SLC25A31: variants seen among roughly 807,000 people sequenced by gnomAD.
The protein encoded by SLC25A31 is solute carrier family 25 member 31.
Under a neutral mutation model 36.2 loss-of-function variants are expected in SLC25A31, and 40 were observed. That is an observed-to-expected ratio of 1.10 (90% confidence interval 0.86 to 1.44). SLC25A31 has a LOEUF of 1.44. Among genes scored for constraint, SLC25A31 ranks in the 40% most tolerant of loss-of-function variants. SLC25A31 has a pLI of 0.00. For missense variants in SLC25A31, 350 were observed against 397.1 expected, an observed-to-expected ratio of 0.88 and a Z score of 1.01; for synonymous variants, 143 against 149.7, an observed-to-expected ratio of 0.96 and a Z score of 0.32.
At chr4:127,751,045 C>CT (rs1336080228) in intron 2 of SLC25A31, among the ~76,000 whole-genome samples, 6 of 152,300 alleles carry the variant, frequency 3.9e-5, no homozygotes, top group Admixed American at 2.6e-4. Context: ...CTACCAATGA[C>CT]TTTCTTCACA....
At chr4:127,743,876 G>A (rs1731775734) in intron 1 of SLC25A31, among the ~76,000 whole-genome samples, 1 of 152,086 alleles carries the variant, frequency 6.6e-6, no homozygotes, top group Non-Finnish European at 1.5e-5. Flanking sequence ...ACTGATTCTG[G>A]GTATTCTCCG....
At chr4:127,730,917 T>G (rs1731512540) in intron 1 of SLC25A31, 140 bp downstream of exon 1, 1 of 852,678 alleles carries the variant, frequency 1.2e-6, no homozygotes, top group African/African-American at 1.7e-5. Flanking sequence ...CTTCTTACCC[T>G]TCCAGAATTT....
intron 1 of SLC25A31, among the ~76,000 whole-genome samples, chr4:127,735,888 A>ATTTTTT (rs1250183377): frequency 4.2e-5 from 2 of 47,850 alleles, no homozygotes; most frequent in African/African-American, 7.6e-5. Flanking sequence ...TTATTTATTT[A>ATTTTTT]TTTATTTATT....
chr4:127,730,896 T>A, intron 1 of SLC25A31, 119 bp downstream of exon 1: 1 of 970,494 alleles, frequency 1.0e-6, no homozygotes, highest in Non-Finnish European at 1.5e-6. Context: ...CAGCTGTCGG[T>A]GATGAATTTG....
chr4:127,768,778 T>TC lies in SLC25A31; in HGVS notation c.662dup (p.Phe222IlefsTer23). On this transcript the variant is annotated frameshift_variant, in exon 5 of 6. Coordinates refer to ENST00000281154, the MANE Select transcript of SLC25A31 (RefSeq NM_031291.4). LOFTEE classifies it high-confidence loss of function. ...GTTTATTACCAAAGCCAAAGAAAAC[T>TC]CCATTTCTTGTCTCCTTTTTCATTG... 1 of 1,606,594 alleles carries TC rather than the reference T, an allele frequency of 6.2e-7. No individual in the cohort carries two copies. Among genetic ancestry groups the TC allele is most frequent in the Admixed American group, 1.7e-5 (1 of 59,202 alleles).
chr4:127,735,248 A>G (rs1731602106), intron 1 of SLC25A31, among the ~76,000 whole-genome samples: 2 of 152,194 alleles, frequency 1.3e-5, no homozygotes, highest in Admixed American at 6.5e-5. Flanking sequence ...ATTCCTATAT[A>G]CTATTCTTAA....
chr4:127,765,286 T>G (rs1732219997), intron 3 of SLC25A31, among the ~76,000 whole-genome samples: 1 of 152,176 alleles, frequency 6.6e-6, no homozygotes, highest in South Asian at 2.1e-4. Flanking sequence ...CTGAGGTTAT[T>G]GTGATCAAAT....
At chr4:127,762,028 A>G (rs1732150345) in intron 2 of SLC25A31, among the ~76,000 whole-genome samples, 1 of 152,206 alleles carries the variant, frequency 6.6e-6, no homozygotes. Context: ...AGTGTTACTT[A>G]AAAAGATCCA....
chr4:127,742,167 A>G (rs1731744234), intron 1 of SLC25A31, among the ~76,000 whole-genome samples: 1 of 152,170 alleles, frequency 6.6e-6, no homozygotes, highest in Non-Finnish European at 1.5e-5. Flanking sequence ...TATTTCTGCC[A>G]TTGAAACCAG....
intron 1 of SLC25A31, among the ~76,000 whole-genome samples, chr4:127,734,711 G>GT (rs555105442): frequency 1.5e-4 from 23 of 152,094 alleles, no homozygotes; most frequent in South Asian, 1.5e-3. Flanking sequence ...GAACAGTGAG[G>GT]TTTTTTAATA....
chr4:127,763,865 T>C (rs983821800), intron 2 of SLC25A31, among the ~76,000 whole-genome samples: 1 of 152,098 alleles, frequency 6.6e-6, no homozygotes, highest in African/African-American at 2.4e-5. Context: ...CATATGTGCC[T>C]GACATTGTAA....
chr4:127,743,468 A>G (rs1428757518), intron 1 of SLC25A31, among the ~76,000 whole-genome samples: 1 of 152,208 alleles, frequency 6.6e-6, no homozygotes. Flanking sequence ...TTCACTTTGT[A>G]CATACTTAAA....
chr4:127,740,956 C>T (rs574427037), intron 1 of SLC25A31, among the ~76,000 whole-genome samples: 14 of 152,154 alleles, frequency 9.2e-5, no homozygotes, highest in South Asian at 2.1e-4. Context: ...AACTTTTTGG[C>T]GTACAGATCT....
At chr4:127,748,051 C>T (rs1360272510) in intron 2 of SLC25A31, among the ~76,000 whole-genome samples, 2 of 152,114 alleles carry the variant, frequency 1.3e-5, no homozygotes, top group African/African-American at 4.8e-5. Flanking sequence ...GCCTTGGTGT[C>T]CAGGGTTTTT....
chr4:127,768,838 T>C lies in SLC25A31; in HGVS notation c.720T>C (p.Ser240=). The change falls in exon 5 of 6, where the codon TCT becomes TCC. Residue 240 remains serine, a synonymous_variant. Coordinates refer to ENST00000281154, the MANE Select transcript of SLC25A31 (RefSeq NM_031291.4). ...TGACTACATGCTCTGGAATACTTTC[T>C]TATCCCTTTGACACAGTTAGAAGAC... is the stretch of plus-strand genomic sequence containing the variant. ...QVVTTCSGIL[S]YPFDTVRRRM... is the part of the protein sequence containing the mutation. 1 of 1,607,872 alleles carries C rather than the reference T, an allele frequency of 6.2e-7. No homozygotes were observed. The highest frequency in any genetic ancestry group is 1.1e-5 in the South Asian group (1 of 89,510).
intron 1 of SLC25A31, among the ~76,000 whole-genome samples, chr4:127,735,444 A>G (rs1271651871): frequency 2.0e-5 from 3 of 152,128 alleles, no homozygotes; most frequent in East Asian, 3.9e-4. Flanking sequence ...ATTATTCCCA[A>G]TCTTCATATA....
intron 1 of SLC25A31, among the ~76,000 whole-genome samples, chr4:127,731,425 A>G (rs1731523712): frequency 6.6e-6 from 1 of 151,980 alleles, no homozygotes; most frequent in Non-Finnish European, 1.5e-5. Context: ...TTTTAAGGCC[A>G]GGCGCGGTGG....
chr4:127,771,567 C>T (rs1212424038), intron 5 of SLC25A31, among the ~76,000 whole-genome samples: 1 of 152,098 alleles, frequency 6.6e-6, no homozygotes, highest in East Asian at 1.9e-4. Flanking sequence ...GTGTTTTCTT[C>T]CTTCCTTATC....
At chr4:127,739,160 A>T (rs1227555740) in intron 1 of SLC25A31, among the ~76,000 whole-genome samples, 4 of 152,086 alleles carry the variant, frequency 2.6e-5, no homozygotes, top group Non-Finnish European at 5.9e-5. Flanking sequence ...TGGTTTCTTC[A>T]TATTTTATAT....
Sources: allele counts gnomAD v4.1 joint callset (sites outside exome capture counted in the v4.1 genomes callset), GRCh38; gene constraint gnomAD v4.1.1; transcripts MANE v1.5; gene names NCBI Gene and HGNC (gene_info 2026-07-23, HGNC 2026-07-21).